The following PPHLN1 variants were observed in gnomAD, a reference collection of about 807,000 sequenced individuals.
PPHLN1 encodes periphilin-1.
A neutral mutation model predicts 51.3 loss-of-function variants in PPHLN1; 29 were observed. That is an observed-to-expected ratio of 0.57 (90% CI 0.42 to 0.77). The LOEUF is 0.77. Ranked by LOEUF, PPHLN1 falls within the 30% of genes least tolerant of loss-of-function variation. The probability of loss-of-function intolerance (pLI) is 0.00; values close to 1 mark genes in which losing one functional copy is unlikely to be tolerated. For missense variants in PPHLN1, 436 were observed against 438.4 expected (o/e 0.99, Z 0.05); for synonymous variants, 147 against 147.8 (o/e 0.99, Z 0.04).
chr12:42,379,804 G>A (rs2076609258), intron 5 of PPHLN1, among the ~76,000 whole-genome samples: 1 of 151,982 alleles, frequency 6.6e-6, no homozygotes, highest in African/African-American at 2.4e-5. Flanking sequence ...TAGTGATTCT[G>A]TATATTAGCA....
chr12:42,358,341 A>G (rs1185472708), intron 4 of PPHLN1, among the ~76,000 whole-genome samples: 1 of 152,182 alleles, frequency 6.6e-6, no homozygotes, highest in Non-Finnish European at 1.5e-5. Context: ...AAGTTCTTCT[A>G]TATTTTTCTC....
intron 2 of PPHLN1, among the ~76,000 whole-genome samples, chr12:42,348,276 A>ATTTTTTTTTTTTTTTTTTTT (rs1213561958): frequency 2.3e-5 from 2 of 85,610 alleles, no homozygotes; most frequent in African/African-American, 9.8e-5. Flanking sequence ...CACCTGGCTA[A>ATTTTTTTTTTTTTTTTTTTT]TTTTTTTTTT....
intron 9 of PPHLN1, 189 bp downstream of exon 9, chr12:42,399,183 T>TGTTTA (rs1365057778): frequency 8.0e-7 from 1 of 1,257,236 alleles, no homozygotes; most frequent in East Asian, 3.0e-5. Context: ...CCACCTGGAT[T>TGTTTA]GTTTATTTTT....
intron 8 of PPHLN1, chr12:42,398,548 A>T (rs888947853): frequency 9.2e-6 from 2 of 218,100 alleles, no homozygotes; most frequent in African/African-American, 2.3e-5. Flanking sequence ...TAACAGCCTC[A>T]CTTGCTTCGG....
At chr12:42,398,022 A>G (rs1307321956) in intron 8 of PPHLN1, among the ~76,000 whole-genome samples, 1 of 151,916 alleles carries the variant, frequency 6.6e-6, no homozygotes, top group East Asian at 1.9e-4. Flanking sequence ...CAGAAATTCA[A>G]ATGACACCAA....
intron 2 of PPHLN1, among the ~76,000 whole-genome samples, chr12:42,348,001 G>A (rs1000828363): frequency 6.6e-6 from 1 of 152,092 alleles, no homozygotes; most frequent in Admixed American, 6.6e-5. Context: ...ATAGTATAAT[G>A]TACATATATT....
downstream of PPHLN1, chr12:42,446,162 A>G (rs774306697): frequency 9.3e-6 from 15 of 1,605,288 alleles, no homozygotes; most frequent in Middle Eastern, 3.3e-4. Flanking sequence ...AGCCCCAGAC[A>G]TTACCTGGGG....
At chr12:42,348,301 T>TTTTA (rs1351410831) in intron 2 of PPHLN1, among the ~76,000 whole-genome samples, 5 of 131,462 alleles carry the variant, frequency 3.8e-5, no homozygotes, top group East Asian at 4.5e-4. Context: ...TTTTTTTTTT[T>TTTTA]AGTAGAAACG....
chr12:42,437,728 C>T (rs1397026187), intron 9 of PPHLN1, among the ~76,000 whole-genome samples: 1 of 152,108 alleles, frequency 6.6e-6, no homozygotes, highest in Non-Finnish European at 1.5e-5. Flanking sequence ...TCTTTGTCTC[C>T]TACAGTTCTG....
At chr12:42,390,680 T>C (rs1319330611) in intron 7 of PPHLN1, among the ~76,000 whole-genome samples, 2 of 151,972 alleles carry the variant, frequency 1.3e-5, no homozygotes, top group South Asian at 2.1e-4. Flanking sequence ...CCTTTTTTTT[T>C]TTTTTAAGCT....
In PPHLN1 at chr12:42,352,025, A is replaced by G; in HGVS notation, c.213A>G (p.Arg71=). 1 of 1,540,800 alleles carries G rather than the reference A, an allele frequency of 6.5e-7. No individual in the cohort carries two copies. Among genetic ancestry groups the G allele is most frequent in the Non-Finnish European group, 8.7e-7 (1 of 1,150,302 alleles). Residue 71 remains arginine (R), a synonymous_variant, in exon 3 of 10, where the codon CGA becomes CGG. Transcript: ENST00000358314. ...YDEGRSFSHD[R]RSGPPHRGDE... Reference sequence around the variant, plus strand: ...AGGGCCGCAGTTTTTCTCATGATCGAAGAAGTGGTCCACCTCACAGAGGAG... The same window carrying G: ...AGGGCCGCAGTTTTTCTCATGATCGGAGAAGTGGTCCACCTCACAGAGGAG...
At chr12:42,327,023 G>T (rs10880288) in intron 1 of PPHLN1, among the ~76,000 whole-genome samples, 11,005 of 152,208 alleles carry the variant, frequency 0.072, 526 homozygotes, top group Non-Finnish European at 0.1. Flanking sequence ...ATGCCTCCGT[G>T]GCCGACAGGA....
chr12:42,369,188 T>A (rs188692823), intron 4 of PPHLN1, among the ~76,000 whole-genome samples: 1 of 152,312 alleles, frequency 6.6e-6, no homozygotes, highest in African/African-American at 2.4e-5. Context: ...GAGCAAACAT[T>A]TTCTGACCCC....
At chr12:42,354,461 T>C (rs77856599) in intron 3 of PPHLN1, among the ~76,000 whole-genome samples, 1,612 of 152,264 alleles carry the variant, frequency 0.011, 12 homozygotes, top group Middle Eastern at 0.024. Flanking sequence ...ACACCCTCCT[T>C]GGCATCCTAA....
Position 42,385,011 on chromosome 12 carries a change from A to G in PPHLN1, c.568+15A>G, listed in dbSNP as rs758071713. The G allele has an allele frequency of 3.1e-5, 49 of 1,593,886 alleles. No homozygotes were observed. The highest frequency in any genetic ancestry group is 3.6e-5 in the Non-Finnish European group (42 of 1,161,780). On this transcript the variant is annotated intron_variant, in intron 6 of 9. Coordinates refer to ENST00000358314, the MANE Select transcript of PPHLN1 (RefSeq NM_201439.2). ...TCCTGAAAGAGGTGAGTTTTGAGCT[A>G]GACTCTGATTTGGGATTGTGAAGGG...
chr12:42,430,682 C>T (rs1839935), intron 9 of PPHLN1, among the ~76,000 whole-genome samples: 51,184 of 151,662 alleles, frequency 0.34, 9,409 homozygotes, highest in South Asian at 0.46. Context: ...TTAGTCGAGA[C>T]GGGGTTTCAC....
At chr12:42,377,116 A>T (rs1486450628) in intron 5 of PPHLN1, among the ~76,000 whole-genome samples, 7 of 146,370 alleles carry the variant, frequency 4.8e-5, no homozygotes, top group African/African-American at 1.8e-4. Flanking sequence ...TTTTTTTTTT[A>T]AGCTTACCAG....
At chr12:42,340,836 A>G (rs1360994350) in intron 2 of PPHLN1, among the ~76,000 whole-genome samples, 2 of 152,214 alleles carry the variant, frequency 1.3e-5, no homozygotes, top group African/African-American at 4.8e-5. Flanking sequence ...TTTGCAAAAT[A>G]TAAAACTAGT....
intron 9 of PPHLN1, among the ~76,000 whole-genome samples, chr12:42,423,712 C>G (rs1047461798): frequency 6.6e-6 from 1 of 150,818 alleles, no homozygotes; most frequent in South Asian, 2.1e-4. Flanking sequence ...GAGTCTCACT[C>G]TGTTGCCCAG....
Sources: gnomAD v4.1 joint callset for allele counts (sites outside exome capture counted in the v4.1 genomes callset) on GRCh38, gnomAD v4.1.1 for gene constraint, MANE v1.5 for transcripts, NCBI Gene and HGNC (gene_info 2026-07-23, HGNC 2026-07-21) for gene names.